The following APLF variants were observed in gnomAD, a reference collection of about 807,000 sequenced individuals.
APLF encodes the protein aprataxin and PNK-like factor.
A neutral mutation model predicts 55.6 loss-of-function variants in APLF; 61 were observed. That is an observed-to-expected ratio of 1.10 (90% CI 0.89 to 1.36). The LOEUF (loss-of-function observed/expected upper bound fraction) is 1.36. Among genes scored for constraint, APLF ranks in the 40% most tolerant of loss-of-function variants. APLF has a pLI of 0.00. For missense variants in APLF, 611 were observed against 602.5 expected, an observed-to-expected ratio of 1.01 and a Z score of -0.15; for synonymous variants, 207 against 214.8, an observed-to-expected ratio of 0.96 and a Z score of 0.32.
intron 4 of APLF, 105 bp from the exon 5 acceptor site, chr2:68,513,443 C>T: frequency 1.5e-6 from 2 of 1,337,284 alleles, no homozygotes; most frequent in Non-Finnish European, 2.1e-6. Flanking sequence ...ACTCAGTCTA[C>T]AGTTGCATAT....
intron 1 of APLF, among the ~76,000 whole-genome samples, chr2:68,489,636 C>G (rs1436321135): frequency 1.3e-5 from 2 of 152,100 alleles, no homozygotes; most frequent in African/African-American, 4.8e-5. Flanking sequence ...TTTCACTATT[C>G]CCCTTCTTGC....
chr2:68,509,056 A>G (rs907657825), intron 3 of APLF, among the ~76,000 whole-genome samples: 2 of 151,910 alleles, frequency 1.3e-5, no homozygotes, highest in Non-Finnish European at 2.9e-5. Context: ...CTTACACCTT[A>G]TACAAAAATT....
chr2:68,578,986 C>T lies in APLF; in HGVS notation c.*964C>T, dbSNP rs1019960198. 18 of 984,366 alleles carry T rather than the reference C, an allele frequency of 1.8e-5. No homozygotes were observed. Among genetic ancestry groups the T allele is most frequent in the Non-Finnish European group, 1.9e-5 (16 of 829,194 alleles). The allele number at this position is 984,366 out of a possible 1,614,324, so 61.0% of individuals were successfully genotyped here. ...AAGCCCTATAATGCTCTTCATATTA[C>T]GTGACTTTGAATTGTTAAAATGTAG... On this transcript the variant is annotated 3_prime_UTR_variant, in exon 10 of 10. Coordinates refer to ENST00000303795, the MANE Select transcript of APLF (RefSeq NM_173545.3).
At chr2:68,485,233 T>A (rs550452217) in intron 1 of APLF, among the ~76,000 whole-genome samples, 62 of 152,318 alleles carry the variant, frequency 4.1e-4, no homozygotes, top group African/African-American at 1.3e-3. Flanking sequence ...AAATTTTTTT[T>A]AATTTAATCT....
chr2:68,526,316 T>C, intron 6 of APLF, 74 bp downstream of exon 6: 1 of 1,508,048 alleles, frequency 6.6e-7, no homozygotes, highest in Non-Finnish European at 9.1e-7. Context: ...ATATGCTATA[T>C]AAAGAGAAAT....
chr2:68,550,729 T>C (rs1236702990), intron 8 of APLF, among the ~76,000 whole-genome samples: 1 of 152,180 alleles, frequency 6.6e-6, no homozygotes, highest in Non-Finnish European at 1.5e-5. Context: ...CTGTGACTTA[T>C]TACAATCTAC....
chr2:68,482,276 G>T (rs1558527309), intron 1 of APLF, among the ~76,000 whole-genome samples: 1 of 151,988 alleles, frequency 6.6e-6, no homozygotes, highest in Non-Finnish European at 1.5e-5. Flanking sequence ...GGGTCTTATG[G>T]TGTCTGACAG....
At position 68,529,170 on chromosome 2, in the gene APLF, G is replaced by GT. The variant is rs946618076; in HGVS notation, c.804+2928_804+2929insT. ...AGCACGGGTTTCTTCCTTGAGGGGG[G>GT]GCTCCAGACAACAGGAGGCAGGACC... is the stretch of plus-strand genomic sequence containing the variant. On this transcript the variant is annotated intron_variant, in intron 6 of 9. Transcript: ENST00000303795. The surrounding 1 kb of genome is among the most constrained non-coding windows in gnomAD (Gnocchi z 4.4). 2 of 1,293,008 alleles carry GT rather than the reference G, an allele frequency of 1.5e-6. No individual in the cohort carries two copies. Among genetic ancestry groups the GT allele is most frequent in the African/African-American group, 1.5e-5 (1 of 67,288 alleles). The allele number at this position is 1,293,008 out of a possible 1,614,324, so 80.1% of individuals were successfully genotyped here.
chr2:68,494,876 A>G (rs115404907), intron 2 of APLF, among the ~76,000 whole-genome samples: 1,626 of 151,798 alleles, frequency 0.011, 35 homozygotes, highest in African/African-American at 0.038. Flanking sequence ...GTATATATAT[A>G]CCCCATTTTC....
chr2:68,579,052 A>G lies in APLF; in HGVS notation c.*1030A>G, dbSNP rs1425499249. ...AACAGTTGGGTTGTGTACACAGAGC[A>G]GGAGATATTTATTGAAATCATAAAT... On this transcript the variant is annotated 3_prime_UTR_variant, in exon 10 of 10. Coordinates refer to ENST00000303795, the MANE Select transcript of APLF (RefSeq NM_173545.3). The G allele has an allele frequency of 1.0e-6, 1 of 984,618 alleles. No homozygotes were observed. Among genetic ancestry groups the G allele is most frequent in the Non-Finnish European group, 1.2e-6 (1 of 829,304 alleles). The allele number at this position is 984,618 out of a possible 1,614,324, so 61.0% of individuals were successfully genotyped here.
intron 5 of APLF, among the ~76,000 whole-genome samples, chr2:68,525,092 G>A (rs1669996144): frequency 2.0e-5 from 3 of 152,090 alleles, no homozygotes; most frequent in African/African-American, 7.2e-5. Context: ...TGAGGAGTTC[G>A]AGACCAGCCT....
chr2:68,476,095 A>G (rs1573145005), intron 1 of APLF, among the ~76,000 whole-genome samples: 1 of 151,974 alleles, frequency 6.6e-6, no homozygotes, highest in Non-Finnish European at 1.5e-5. Flanking sequence ...TGATACAGCA[A>G]ACTAGATAAT....
Position 68,537,905 on chromosome 2 carries a change from A to G in APLF, c.838A>G (p.Ser280Gly). 6.3e-7 allele frequency: 1 copy of G among 1,594,874 alleles called. No homozygotes were observed. Among genetic ancestry groups the G allele is most frequent in the Non-Finnish European group, 8.5e-7 (1 of 1,172,726 alleles). The change falls in exon 7 of 10, where the codon AGT (serine) becomes GGT (glycine). Residue 280 changes from serine to glycine, a missense_variant. Ser to Gly is a moderately conservative substitution (Grantham distance 56). Transcript: ENST00000303795. ...ACAATCATTTTCTGCAATCACATTAAGTAACACAGAGATGAATAATATTAA... is the reference window on the plus strand; with the variant it reads ...ACAATCATTTTCTGCAATCACATTAGGTAACACAGAGATGAATAATATTAA... ...MPQSFSAITL[S>G]NTEMNNIKTN...
Position 68,475,061 on chromosome 2 carries a change from A to C in APLF, c.96+7234A>C, listed in dbSNP as rs559555645. ...ACACACTAAGTAGAGTACTTGGCAC[A>C]GAATAGGTCTTTAAGAAATGTCTGC... is the stretch of plus-strand genomic sequence containing the variant. On this transcript the variant is annotated intron_variant, in intron 1 of 9. Transcript: ENST00000303795. Among the ~76,000 whole-genome samples the C allele has an allele frequency of 1.0e-3, 153 of 152,352 alleles. 2 individuals are homozygous for C. The Middle Eastern group carries it at 0.01, about 10-fold the overall frequency.
At chr2:68,517,389 ATTACTATATAT>A (rs1389502461) in intron 5 of APLF, among the ~76,000 whole-genome samples, 1 of 130,326 alleles carries the variant, frequency 7.7e-6, no homozygotes, top group African/African-American at 2.9e-5. Context: ...AATATATGTT[ATTACTATATAT>A]TAATATATCT....
At chr2:68,469,014 G>GTGTGTGTGTGTGT (rs1553366881) in intron 1 of APLF, among the ~76,000 whole-genome samples, 10 of 147,512 alleles carry the variant, frequency 6.8e-5, no homozygotes, top group African/African-American at 2.6e-4. Context: ...GTGTGTGTGT[G>GTGTGTGTGTGTGT]TGTGTGTTGT....
rs113675749 is a variant in APLF at position 68,537,584 on chromosome 2, G to T, written c.805-288G>T. Among the ~76,000 whole-genome samples, 33 of 152,050 alleles carry T rather than the reference G, an allele frequency of 2.2e-4. 1 individual carries two copies. The highest frequency in any genetic ancestry group is 7.5e-4 in the African/African-American group (31 of 41,474). ...GGGGTTTCACCTTGTTGGCCAGGCTGGTCTCAAACTCCTGACCTCAGGTGA... is the reference window on the plus strand; with the variant it reads ...GGGGTTTCACCTTGTTGGCCAGGCTTGTCTCAAACTCCTGACCTCAGGTGA... On this transcript the variant is annotated intron_variant, in intron 6 of 9. Coordinates refer to ENST00000303795, the MANE Select transcript of APLF (RefSeq NM_173545.3).
rs540991001 is a variant in APLF at position 68,558,357 on chromosome 2, A to T, written c.1287-8984A>T. Among the ~76,000 whole-genome samples, 4 of 152,266 alleles carry T rather than the reference A, an allele frequency of 2.6e-5. No individual in the cohort carries two copies. The East Asian group carries it at 5.8e-4, about 22-fold the overall frequency. On this transcript the variant is annotated intron_variant, in intron 8 of 9. Transcript: ENST00000303795. ...CAAAGTGAGTACTTTTTACTATTTT[A>T]TGCTGGTTTACTTGTTTTTTATTTA...
At chr2:68,545,512 C>T (rs1045173718) in intron 8 of APLF, among the ~76,000 whole-genome samples, 200 bp downstream of exon 8, 3 of 152,152 alleles carry the variant, frequency 2.0e-5, no homozygotes, top group African/African-American at 4.8e-5. Flanking sequence ...TACACATCTA[C>T]GAGTGCCTGA....
Sources: allele counts gnomAD v4.1 joint callset (sites outside exome capture counted in the v4.1 genomes callset), GRCh38; gene constraint gnomAD v4.1.1; non-coding constraint Gnocchi (gnomAD v3.1); transcripts MANE v1.5; gene names NCBI Gene and HGNC (gene_info 2026-07-23, HGNC 2026-07-21).